DIP2B: variants seen among roughly 807,000 people sequenced by gnomAD.
The protein encoded by DIP2B is DIP2 acetate--CoA ligase B (putative), also known as disco-interacting protein 2 homolog B.
Under a neutral mutation model 198.0 loss-of-function variants are expected in DIP2B, and 76 were observed. The ratio of observed to expected loss-of-function variants is 0.38; its 90% CI spans 0.32 to 0.46. The LOEUF (loss-of-function observed/expected upper bound fraction) is 0.46, where lower values mean the gene tolerates loss of function less well. Among genes scored for constraint, DIP2B ranks in the 20% least tolerant of loss-of-function variants. The pLI is 0.99. For synonymous variants in DIP2B, 701 were observed against 739.1 expected, an observed-to-expected ratio of 0.95 and a Z score of 0.84; for missense variants, 1,559 against 1,978.4, an observed-to-expected ratio of 0.79 and a Z score of 4.02.
intron 1 of DIP2B, among the ~76,000 whole-genome samples, chr12:50,552,241 T>TTTG (rs756337156): frequency 1.3e-5 from 2 of 152,026 alleles, no homozygotes; most frequent in Non-Finnish European, 2.9e-5. Context: ...AATTGGGTTT[T>TTTG]TTGTTGTTGT....
At chr12:50,575,106 C>A (rs558407219) in intron 1 of DIP2B, among the ~76,000 whole-genome samples, 1 of 151,988 alleles carries the variant, frequency 6.6e-6, no homozygotes, top group East Asian at 1.9e-4. Flanking sequence ...TCTTTTCTTT[C>A]GACATTCTCC....
chr12:50,714,250 T>C (rs1939671771), intron 22 of DIP2B, 145 bp from the exon 23 acceptor site: 5 of 752,782 alleles, frequency 6.6e-6, no homozygotes, highest in South Asian at 3.6e-5. Context: ...TCTCTAGATA[T>C]ATGGAATCTT....
chr12:50,670,596 T>C (rs1233947405), intron 4 of DIP2B, among the ~76,000 whole-genome samples: 1 of 152,006 alleles, frequency 6.6e-6, no homozygotes, highest in Non-Finnish European at 1.5e-5. Flanking sequence ...TTTGTATTTT[T>C]AGTAGAGATG....
At chr12:50,626,455 C>T (rs1937937209) in intron 2 of DIP2B, among the ~76,000 whole-genome samples, 1 of 152,104 alleles carries the variant, frequency 6.6e-6, no homozygotes, top group Non-Finnish European at 1.5e-5. Flanking sequence ...GGGGGTAAAA[C>T]CCTAAATGAA....
chr12:50,682,352 G>A lies in DIP2B; in HGVS notation c.1207-786G>A, dbSNP rs148091152. On this transcript the variant is annotated intron_variant, in intron 9 of 37. Coordinates refer to ENST00000301180, the MANE Select transcript of DIP2B (RefSeq NM_173602.3). ...TAAAGAGTAAGAAAACTGGCCGGGT[G>A]GGGTGGCTCACGCCTGCAATCCCAG... Among the ~76,000 whole-genome samples the A allele has an allele frequency of 2.4e-3, 370 of 152,282 alleles. 1 individual carries two copies. The highest frequency in any genetic ancestry group is 8.5e-3 in the African/African-American group (355 of 41,554).
chr12:50,597,069 A>G (rs576547210), intron 1 of DIP2B, among the ~76,000 whole-genome samples: 2 of 152,298 alleles, frequency 1.3e-5, no homozygotes, highest in Admixed American at 6.5e-5. Context: ...TGTGAATTCT[A>G]TGGCCTTTTA....
At chr12:50,732,207 G>A (rs919830438) in intron 31 of DIP2B, among the ~76,000 whole-genome samples, 159 bp from the exon 32 acceptor site, 10 of 152,148 alleles carry the variant, frequency 6.6e-5, no homozygotes, top group Middle Eastern at 3.2e-3. Context: ...TGCCTTGTCC[G>A]TTTCTTCTTT....
At chr12:50,735,176 G>A (rs1420541187) in intron 34 of DIP2B, 46 bp downstream of exon 34, 1 of 1,608,184 alleles carries the variant, frequency 6.2e-7, no homozygotes, top group Non-Finnish European at 8.5e-7. Context: ...GTGTGGAGAA[G>A]TGGTTCAGTT....
Position 50,707,495 on chromosome 12 carries a change from C to G in DIP2B, c.2534+830C>G, listed in dbSNP as rs527818685. Reference sequence around the variant, plus strand: ...GGCAGACATGCCGGCAGACTCTGCTCTCCGGTGCCTTCCCATTCTTTCATG... The same window carrying G: ...GGCAGACATGCCGGCAGACTCTGCTGTCCGGTGCCTTCCCATTCTTTCATG... On this transcript the variant is annotated intron_variant, in intron 21 of 37. Coordinates refer to ENST00000301180, the MANE Select transcript of DIP2B (RefSeq NM_173602.3). Among the ~76,000 whole-genome samples, 191 of 152,352 alleles carry G rather than the reference C, an allele frequency of 1.3e-3. 2 individuals carry two copies. Among genetic ancestry groups the G allele is most frequent in the African/African-American group, 4.3e-3 (179 of 41,584 alleles).
intron 1 of DIP2B, among the ~76,000 whole-genome samples, chr12:50,568,060 G>T (rs908453690): frequency 6.6e-6 from 1 of 152,130 alleles, no homozygotes; most frequent in Non-Finnish European, 1.5e-5. Context: ...GTTAAGTTCA[G>T]ATCTCGAGTT....
chr12:50,611,819 T>C (rs1240404402), intron 1 of DIP2B, among the ~76,000 whole-genome samples: 1 of 152,100 alleles, frequency 6.6e-6, no homozygotes, highest in Non-Finnish European at 1.5e-5. Flanking sequence ...AAAACTTCAG[T>C]TTTAGCATTT....
chr12:50,677,005 A>G (rs963253542), intron 7 of DIP2B, among the ~76,000 whole-genome samples: 6 of 152,220 alleles, frequency 3.9e-5, no homozygotes, highest in African/African-American at 1.4e-4. Context: ...GAATCAAGGC[A>G]TTTTAAGTAC....
intron 1 of DIP2B, among the ~76,000 whole-genome samples, chr12:50,623,162 T>C (rs1937848600): frequency 6.6e-6 from 1 of 151,822 alleles, no homozygotes; most frequent in African/African-American, 2.4e-5. Flanking sequence ...GACGAGAGGA[T>C]TGCTTGAGCC....
At chr12:50,560,064 G>A (rs765159786) in intron 1 of DIP2B, among the ~76,000 whole-genome samples, 2 of 152,008 alleles carry the variant, frequency 1.3e-5, no homozygotes, top group Non-Finnish European at 2.9e-5. Context: ...ATCACTTGAG[G>A]CCAAGAGTTC....
chr12:50,639,154 A>G (rs1033417750), intron 2 of DIP2B, among the ~76,000 whole-genome samples: 3 of 148,814 alleles, frequency 2.0e-5, no homozygotes, highest in Non-Finnish European at 3.0e-5. Flanking sequence ...CAGTGGCACG[A>G]TCTTGGCTCA....
chr12:50,727,620 G>A (rs996064500), intron 28 of DIP2B, 83 bp from the exon 29 acceptor site: 10 of 1,210,692 alleles, frequency 8.3e-6, no homozygotes, highest in Non-Finnish European at 1.2e-5. Flanking sequence ...AGCTAAATTT[G>A]GCCATAGCAA....
chr12:50,719,990 G>A (rs148665715), intron 25 of DIP2B, among the ~76,000 whole-genome samples: 2,673 of 150,116 alleles, frequency 0.018, 43 homozygotes, highest in Middle Eastern at 0.086. Flanking sequence ...GAGTGCAGTG[G>A]TGCCATCTCA....
At chr12:50,596,859 G>T (rs1489859613) in intron 1 of DIP2B, among the ~76,000 whole-genome samples, 1 of 152,078 alleles carries the variant, frequency 6.6e-6, no homozygotes, top group Non-Finnish European at 1.5e-5. Context: ...GCTGTCACTT[G>T]TCTTGGTTAG....
At chr12:50,698,711 G>A (rs969530700) in intron 18 of DIP2B, among the ~76,000 whole-genome samples, 2 of 152,192 alleles carry the variant, frequency 1.3e-5, no homozygotes, top group Non-Finnish European at 2.9e-5. Flanking sequence ...AATACTGAGA[G>A]ATGTTAAAGT....
Sources: allele counts gnomAD v4.1 joint callset (sites outside exome capture counted in the v4.1 genomes callset), GRCh38; gene constraint gnomAD v4.1.1; transcripts MANE v1.5; gene names NCBI Gene and HGNC (gene_info 2026-07-23, HGNC 2026-07-21).